DNMBP: variants seen among roughly 807,000 people sequenced by gnomAD.
The protein encoded by DNMBP is dynamin binding protein.
Under a neutral mutation model 150.0 loss-of-function variants are expected in DNMBP, and 87 were observed. The observed-to-expected ratio is 0.58, with a 90% CI of 0.49 to 0.69. DNMBP has a LOEUF of 0.69. Among genes scored for constraint, DNMBP ranks in the 30% least tolerant of loss-of-function variants. The pLI is 0.00. For synonymous variants in DNMBP, 711 were observed against 750.4 expected (o/e 0.95, Z 0.86); for missense variants, 1,774 against 1,949.0 (o/e 0.91, Z 1.69).
chr10:99,899,997 T>G lies in DNMBP; in HGVS notation c.2624A>C (p.Glu875Ala). Residue 875 changes from glutamate (E) to alanine (A), a missense_variant, in exon 7 of 17, where the codon GAG (glutamate) becomes GCG (alanine). Physicochemically the swap from Glu to Ala is moderately radical, Grantham distance 107. Transcript: ENST00000324109. The stretch of plus-strand genomic sequence containing the variant: ...GTAGATTTCAAGCAGCGCAATGGCC[T>G]CATCATGATTCTGGCAGTAAATCTT... ...TYKIYCQNHD[E>A]AIALLEIYEK... The G allele has an allele frequency of 6.2e-7, 1 of 1,614,142 alleles. No homozygotes were observed. Among genetic ancestry groups the G allele is most frequent in the South Asian group, 1.1e-5 (1 of 91,084 alleles).
intron 15 of DNMBP, among the ~76,000 whole-genome samples, chr10:99,881,511 CCA>C (rs1672336544): frequency 1.3e-5 from 2 of 152,178 alleles, no homozygotes; most frequent in African/African-American, 4.8e-5. Flanking sequence ...AGGCACAGAC[CCA>C]GAGTATGTAG....
intron 1 of DNMBP, among the ~76,000 whole-genome samples, chr10:99,988,887 C>T (rs2040856642): frequency 6.6e-6 from 1 of 152,184 alleles, no homozygotes; most frequent in Non-Finnish European, 1.5e-5. Flanking sequence ...GTCTCAAACT[C>T]CTGATCTCAA....
chr10:99,879,110 G>A (rs2039324474), intron 16 of DNMBP, among the ~76,000 whole-genome samples: 1 of 94,240 alleles, frequency 1.1e-5, no homozygotes, highest in Non-Finnish European at 2.3e-5. Flanking sequence ...AACCCAAAAC[G>A]TTTGAGATAC....
At chr10:99,912,495 C>G (rs997373492) in intron 4 of DNMBP, among the ~76,000 whole-genome samples, 11 of 152,124 alleles carry the variant, frequency 7.2e-5, no homozygotes, top group East Asian at 3.8e-4. Flanking sequence ...GCCCCCACCC[C>G]CCGAAAATGG....
intron 1 of DNMBP, among the ~76,000 whole-genome samples, chr10:99,996,143 G>A (rs2805487): frequency 0.94 from 143,714 of 152,344 alleles, 67,974 homozygotes; most frequent in African/African-American, 0.99. Flanking sequence ...ATTTTTAAAC[G>A]TTTGGAATCA....
intron 4 of DNMBP, among the ~76,000 whole-genome samples, chr10:99,948,313 T>C (rs2040381658): frequency 6.6e-6 from 1 of 152,222 alleles, no homozygotes; most frequent in African/African-American, 2.4e-5. Flanking sequence ...TATTCAAGAA[T>C]GTGTAAGTAA....
chr10:99,877,513 ATAAATT>A (rs1330194793), intron 16 of DNMBP, among the ~76,000 whole-genome samples, 177 bp from the exon 17 acceptor site: 1 of 152,148 alleles, frequency 6.6e-6, no homozygotes, highest in African/African-American at 2.4e-5. Context: ...TTTAACTAAA[ATAAATT>A]TAAATAGGTA....
intron 1 of DNMBP, among the ~76,000 whole-genome samples, chr10:99,992,500 G>C (rs1180128998): frequency 3.3e-5 from 5 of 151,852 alleles, no homozygotes; most frequent in Non-Finnish European, 7.4e-5. Flanking sequence ...GGGAGGCTGA[G>C]GCAGGTAGAT....
At position 99,877,316 on chromosome 10, in the gene DNMBP, G is replaced by C. The variant is rs1249374342; in HGVS notation, c.4569C>G (p.Thr1523=). Residue 1523 remains threonine (T), a synonymous_variant, in exon 17 of 17, where the codon ACC becomes ACG. Transcript: ENST00000324109. ...GCTCATTTGGGTTTCGTGCCTTGAA[G>C]GTGTAGACAGCAAAATAGACCTGTG... ...EGNQVYFAVY[T]FKARNPNELS... 6.2e-7 allele frequency: 1 copy of C among 1,612,986 alleles called. No individual in the cohort carries two copies. Among genetic ancestry groups the C allele is most frequent in the Admixed American group, 1.7e-5 (1 of 59,858 alleles).
At chr10:99,925,999 T>C (rs1241685464) in intron 4 of DNMBP, among the ~76,000 whole-genome samples, 1 of 152,216 alleles carries the variant, frequency 6.6e-6, no homozygotes, top group East Asian at 1.9e-4. Flanking sequence ...CTTCCAACCC[T>C]GAACCTTTAG....
intron 1 of DNMBP, among the ~76,000 whole-genome samples, chr10:100,005,820 T>C (rs913021943): frequency 5.6e-5 from 8 of 142,746 alleles, no homozygotes; most frequent in Admixed American, 4.8e-4. Context: ...TACAGCATTA[T>C]AAATCAAGAT....
At chr10:99,888,297 T>A (rs1237270769) in intron 12 of DNMBP, among the ~76,000 whole-genome samples, 1 of 151,890 alleles carries the variant, frequency 6.6e-6, no homozygotes, top group African/African-American at 2.4e-5. Context: ...TGCAACCTCC[T>A]CCTCCTGGGT....
At chr10:99,907,076 C>T (rs111396046) in intron 6 of DNMBP, among the ~76,000 whole-genome samples, 3 of 151,980 alleles carry the variant, frequency 2.0e-5, no homozygotes, top group Non-Finnish European at 4.4e-5. Flanking sequence ...TGTGGGAGGC[C>T]GAGGTGGGTA....
intron 4 of DNMBP, chr10:99,930,946 A>C (rs2040150155): frequency 4.1e-6 from 2 of 493,712 alleles, no homozygotes; most frequent in Non-Finnish European, 7.0e-6. Flanking sequence ...TTTCAACCTC[A>C]GGATCCAATC....
chr10:99,955,085 A>T, intron 4 of DNMBP, 129 bp downstream of exon 4: 1 of 763,378 alleles, frequency 1.3e-6, no homozygotes, highest in Non-Finnish European at 2.1e-6. Flanking sequence ...AAAAGAAATT[A>T]GGTAATGAAA....
chr10:99,962,596 A>C (rs2040576411), intron 3 of DNMBP, among the ~76,000 whole-genome samples: 1 of 151,966 alleles, frequency 6.6e-6, no homozygotes. Context: ...GTGCCACTGC[A>C]CTCCAGCCTG....
intron 15 of DNMBP, among the ~76,000 whole-genome samples, chr10:99,882,179 G>A (rs1332624739): frequency 2.0e-5 from 3 of 152,180 alleles, no homozygotes; most frequent in African/African-American, 7.2e-5. Flanking sequence ...ATCTCATAGA[G>A]GTTGAGAGTA....
intron 4 of DNMBP, among the ~76,000 whole-genome samples, chr10:99,913,383 C>T (rs538426083): frequency 6.6e-6 from 1 of 152,196 alleles, no homozygotes; most frequent in South Asian, 2.1e-4. Context: ...AAGTCCTTTT[C>T]CCACAATGGG....
intron 3 of DNMBP, among the ~76,000 whole-genome samples, chr10:99,967,666 T>TGG (rs1554871374): frequency 1.9e-4 from 25 of 132,822 alleles, no homozygotes; most frequent in East Asian, 1.8e-3. Context: ...TAGGTTTTTC[T>TGG]GGGTGTGTGT....
Sources: gnomAD v4.1 joint callset for allele counts (sites outside exome capture counted in the v4.1 genomes callset) on GRCh38, gnomAD v4.1.1 for gene constraint, MANE v1.5 for transcripts, NCBI Gene and HGNC (gene_info 2026-07-23, HGNC 2026-07-21) for gene names.